The following GPANK1 variants were observed in gnomAD, a reference collection of about 807,000 sequenced individuals.
GPANK1 encodes the protein G patch domain and ankyrin repeat-containing protein 1.
GPANK1 carries 22 observed loss-of-function variants against 24.0 expected under a neutral mutation model. The ratio of observed to expected loss-of-function variants is 0.92; its 90% CI spans 0.66 to 1.31. The LOEUF (loss-of-function observed/expected upper bound fraction) is 1.31. GPANK1 is among the 50% of genes most tolerant of loss of function. The pLI is 0.00. For synonymous variants in GPANK1, 174 were observed against 177.4 expected, an observed-to-expected ratio of 0.98 and a Z score of 0.15; for missense variants, 469 against 453.5, an observed-to-expected ratio of 1.03 and a Z score of -0.31.
At chr6:31,666,182 A>C, upstream of GPANK1, 1 of 987,714 alleles carries the variant, frequency 1.0e-6, no homozygotes, top group Non-Finnish European at 1.2e-6. Flanking sequence ...TCCCTACCCC[A>C]CCCCAGTCCT....
At chr6:31,663,799 C>T in intron 2 of GPANK1, 54 bp downstream of exon 2, 1 of 1,521,538 alleles carries the variant, frequency 6.6e-7, no homozygotes, top group Non-Finnish European at 8.8e-7. Flanking sequence ...TGTGGTGTGG[C>T]TGGGAGAGGC....
At chr6:31,665,746 A>G (rs1801593824), upstream of GPANK1, 3 of 907,024 alleles carry the variant, frequency 3.3e-6, no homozygotes, top group Admixed American at 3.0e-5. Context: ...GAACGTGAGG[A>G]GAGCTGCGGA....
chr6:31,665,700 TC>T, upstream of GPANK1: 3 of 797,542 alleles, frequency 3.8e-6, no homozygotes, highest in South Asian at 1.7e-5. Context: ...GATAGGCCAG[TC>T]CCCTGGGCAG....
In GPANK1 at chr6:31,662,690, TGGAG is replaced by T. The variant is rs1801038671; in HGVS notation, c.643_646del (p.Leu215SerfsTer49). The stretch of plus-strand genomic sequence containing the variant: ...GTGGGTGTCACAGTTCTCGCAGTAC[TGGAG>T]GGAGGGAGTAGGAGACCTGCAGAGA... On this transcript the variant is annotated frameshift_variant, in exon 3 of 3. Transcript: ENST00000375896. LOFTEE classifies it high-confidence loss of function. The surrounding 1 kb of genome is among the most constrained non-coding windows in gnomAD (Gnocchi z 5.5). 3.8e-6 allele frequency: 6 copies of T among 1,598,796 alleles called. No homozygotes were observed. Among genetic ancestry groups the T allele is most frequent in the African/African-American group, 1.3e-5 (1 of 74,630 alleles).
chr6:31,665,527 GCCCAC>G (rs777277471), upstream of GPANK1: 31 of 1,536,392 alleles, frequency 2.0e-5, no homozygotes, highest in African/African-American at 5.5e-5. Flanking sequence ...TTCTCACACC[GCCCAC>G]CCCACCCCAC....
upstream of GPANK1, chr6:31,665,411 C>CCAGG: frequency 6.5e-7 from 1 of 1,549,194 alleles, no homozygotes; most frequent in Non-Finnish European, 8.7e-7. Context: ...ATTACTCTGA[C>CCAGG]CAGGGTTCGA....
Position 31,663,898 on chromosome 6 carries a change from C to A in GPANK1, c.581G>T (p.Arg194Leu). The A allele has an allele frequency of 4.4e-6, 7 of 1,602,532 alleles. No individual in the cohort carries two copies. The highest frequency in any genetic ancestry group is 6.0e-6 in the Non-Finnish European group (7 of 1,174,296). The change falls in exon 2 of 3, where the codon CGC becomes CTC. Residue 194 changes from arginine to leucine, a missense_variant. Physicochemically the swap from Arg to Leu is moderately radical, Grantham distance 102. Coordinates refer to ENST00000375896, the MANE Select transcript of GPANK1 (RefSeq NM_033177.4). ...AEEAGFPEVA[R>L]MVRESHGETR... ...CTCTCCATGGCTCTCCCTGACCATG[C>A]GGGCTACCTCAGGGAAGCCAGCTTC...
At chr6:31,663,758 G>C (rs1488805086) in intron 2 of GPANK1, 95 bp downstream of exon 2, 20 of 1,489,662 alleles carry the variant, frequency 1.3e-5, no homozygotes, top group Non-Finnish European at 1.8e-5. Context: ...GATAAGGAAA[G>C]AACTCTTCAG....
At chr6:31,663,547 G>A (rs541457116) in intron 2 of GPANK1, 104 of 383,644 alleles carry the variant, frequency 2.7e-4, no homozygotes, top group Middle Eastern at 6.6e-4. Context: ...CATACTATGC[G>A]GCATGCACTA....
chr6:31,666,181 C>A (rs141052842), upstream of GPANK1: 5 of 992,656 alleles, frequency 5.0e-6, no homozygotes, highest in South Asian at 2.2e-4. Context: ...TTCCCTACCC[C>A]ACCCCAGTCC....
chr6:31,663,353 T>G (rs1343628953), intron 2 of GPANK1: 1 of 156,572 alleles, frequency 6.4e-6, no homozygotes, highest in Non-Finnish European at 1.4e-5. Flanking sequence ...ATCAAACTCC[T>G]TACTCCACTT....
At chr6:31,666,150 C>T, upstream of GPANK1, 1 of 991,086 alleles carries the variant, frequency 1.0e-6, no homozygotes, top group Non-Finnish European at 1.2e-6. Context: ...GCGGTCGCCG[C>T]CGTTCCCTGG....
chr6:31,662,397 T>C lies in GPANK1; in HGVS notation c.940A>G (p.Thr314Ala). ...PRVTHFPAWDTRAVAGRERPP... is the reference protein window; with the variant it reads ...PRVTHFPAWDARAVAGRERPP... ...CTCTCCCTCCCAGCCACAGCTCGGG[T>C]ATCCCAAGCTGGGAAATGTGTCACT... The change falls in exon 3 of 3, where the codon ACC (threonine) becomes GCC (alanine). Residue 314 changes from threonine (T) to alanine (A), a missense_variant. Physicochemically the swap from Thr to Ala is moderately conservative, Grantham distance 58. Coordinates refer to ENST00000375896, the MANE Select transcript of GPANK1 (RefSeq NM_033177.4). The surrounding 1 kb of genome is among the most constrained non-coding windows in gnomAD (Gnocchi z 5.5). The C allele has an allele frequency of 1.2e-6, 2 of 1,612,452 alleles. No homozygotes were observed. The highest frequency in any genetic ancestry group is 1.7e-6 in the Non-Finnish European group (2 of 1,179,704).
At chr6:31,666,227 C>G, upstream of GPANK1, 1 of 984,782 alleles carries the variant, frequency 1.0e-6, no homozygotes, top group East Asian at 1.1e-4. Flanking sequence ...GAAGTCGTCG[C>G]TGCTCCGAGT....
chr6:31,663,701 A>C (rs1801208828), intron 2 of GPANK1, 152 bp downstream of exon 2: 2 of 1,176,712 alleles, frequency 1.7e-6, no homozygotes, highest in Non-Finnish European at 2.2e-6. Flanking sequence ...CAGGGAGCTC[A>C]TGTTTATAAC....
Position 31,662,295 on chromosome 6 carries a change from G to C in GPANK1, c.1042C>G (p.Leu348Val). ...EEKDRAWERD[L>V]RTYMNLEF ...AACTCGAGGTTCATGTAAGTCCTTA[G>C]ATCCCGCTCCCAAGCCCTGTCTTTC... Residue 348 changes from leucine to valine, a missense_variant, in exon 3 of 3, where the codon CTA becomes GTA. Transcript: ENST00000375896. The surrounding 1 kb of genome is among the most constrained non-coding windows in gnomAD (Gnocchi z 5.5). 1 of 1,566,882 alleles carries C rather than the reference G, an allele frequency of 6.4e-7. No individual in the cohort carries two copies. The highest frequency in any genetic ancestry group is 8.7e-7 in the Non-Finnish European group (1 of 1,153,850).
chr6:31,666,215 C>T, upstream of GPANK1: 2 of 991,114 alleles, frequency 2.0e-6, no homozygotes, highest in Non-Finnish European at 1.2e-6. Flanking sequence ...GCCGGTGAGT[C>T]TGAAGTCGTC....
upstream of GPANK1, chr6:31,665,596 C>A (rs1234360205): frequency 1.7e-6 from 2 of 1,202,346 alleles, no homozygotes; most frequent in African/African-American, 1.5e-5. Flanking sequence ...GAGGCAGGAG[C>A]CCGGAGGAAA....
At position 31,662,210 on chromosome 6, in the gene GPANK1, G is replaced by C; in HGVS notation, c.*56C>G. The C allele has an allele frequency of 2.4e-6, 3 of 1,254,492 alleles. No individual in the cohort carries two copies. The highest frequency in any genetic ancestry group is 3.3e-6 in the Non-Finnish European group (3 of 901,158). 77.7% of individuals were successfully genotyped at this position (1,254,492 alleles called of 1,614,324 possible). On this transcript the variant is annotated 3_prime_UTR_variant, in exon 3 of 3. Transcript: ENST00000375896. This position sits in a 1 kb window ranked among gnomAD's most constrained non-coding sequence, Gnocchi z 5.5. ...CAGGAAGGGGAAGTCAAAGGGCCCAGGTCAGAGGCCCAAGTTCAGACTTCA... is the reference window on the plus strand; with the variant it reads ...CAGGAAGGGGAAGTCAAAGGGCCCACGTCAGAGGCCCAAGTTCAGACTTCA...
Sources: allele counts gnomAD v4.1 joint callset, GRCh38; gene constraint gnomAD v4.1.1; non-coding constraint Gnocchi (gnomAD v3.1); transcripts MANE v1.5; gene names NCBI Gene and HGNC (gene_info 2026-07-23, HGNC 2026-07-21).